Variants in PHACTR2 observed in about 807,000 individuals in gnomAD.
PHACTR2 encodes phosphatase and actin regulator 2.
Under a neutral mutation model 76.0 loss-of-function variants are expected in PHACTR2, and 30 were observed. The ratio of observed to expected loss-of-function variants is 0.39; its 90% CI spans 0.30 to 0.54. PHACTR2 has a LOEUF of 0.54. PHACTR2 is among the 20% of genes least tolerant of loss of function. PHACTR2 has a pLI of 0.61. For missense variants in PHACTR2, 696 were observed against 781.1 expected, an observed-to-expected ratio of 0.89 and a Z score of 1.30; for synonymous variants, 292 against 292.5, an observed-to-expected ratio of 1.00 and a Z score of 0.02.
rs975759738 is a variant in PHACTR2 at position 143,543,062 on chromosome 6, G to C, written c.217+5855G>C. Among the ~76,000 whole-genome samples the C allele has an allele frequency of 6.6e-6, 1 of 152,244 alleles. No individual in the cohort carries two copies. Among genetic ancestry groups the C allele is most frequent in the Admixed American group, 6.5e-5 (1 of 15,290 alleles). Reference sequence around the variant, plus strand: ...TCTGGAGTTAGACTGAAAGCAGAGAGGATACTCAGAAAGGGTGTGGCAGGC... The same window carrying C: ...TCTGGAGTTAGACTGAAAGCAGAGACGATACTCAGAAAGGGTGTGGCAGGC... On this transcript the variant is annotated intron_variant, in intron 1 of 11. Transcript: ENST00000367584. The surrounding 1 kb of genome is among the most constrained non-coding windows in gnomAD (Gnocchi z 4.7).
At position 143,547,994 on chromosome 6, in the gene PHACTR2, A is replaced by G. The variant is rs762539726; in HGVS notation, c.217+10787A>G. 1.3e-5 allele frequency among the ~76,000 whole-genome samples: 2 copies of G among 151,970 alleles called. No homozygotes were observed. The highest frequency in any genetic ancestry group is 2.9e-5 in the Non-Finnish European group (2 of 68,004). On this transcript the variant is annotated intron_variant, in intron 1 of 11. Coordinates refer to the PHACTR2 transcript ENST00000367584. The surrounding 1 kb of genome is among the most constrained non-coding windows in gnomAD (Gnocchi z 4.2). ...TCATCATCATGTGTATCATCTATCT[A>G]TCTTATTTTGGCCTACTATAACAAA...
intron 1 of PHACTR2, among the ~76,000 whole-genome samples, chr6:143,569,211 G>A (rs950667729): frequency 6.6e-6 from 1 of 152,184 alleles, no homozygotes; most frequent in Non-Finnish European, 1.5e-5. Context: ...TGTGTTACTT[G>A]TGGGCTGAGA....
At chr6:143,622,130 G>A (rs1047036157) in intron 1 of PHACTR2, among the ~76,000 whole-genome samples, 3 of 152,110 alleles carry the variant, frequency 2.0e-5, no homozygotes, top group Non-Finnish European at 2.9e-5. Flanking sequence ...GTTGCAGTTC[G>A]GTTGATTTCC....
At chr6:143,763,488 G>A (rs987281434) in intron 5 of PHACTR2, among the ~76,000 whole-genome samples, 76 of 152,356 alleles carry the variant, frequency 5.0e-4, no homozygotes, top group African/African-American at 1.7e-3. Context: ...TCTTTGTTGT[G>A]AAAAGTAAAT....
intron 1 of PHACTR2, among the ~76,000 whole-genome samples, chr6:143,703,334 A>G (rs1034186993): frequency 2.6e-5 from 4 of 152,072 alleles, no homozygotes; most frequent in Non-Finnish European, 2.9e-5. Context: ...TGTGAGTGCA[A>G]TATCATTTAC....
chr6:143,606,705 T>C (rs968470920), upstream of PHACTR2, among the ~76,000 whole-genome samples: 1 of 152,132 alleles, frequency 6.6e-6, no homozygotes, highest in African/African-American at 2.4e-5. Context: ...CTCTGGATAG[T>C]TGGCAGGTCT....
rs1163842473 is a variant in PHACTR2, at chr6:143,827,156, ATATATATATATATATAT to A, written c.*3468_*3484del. The A allele has an allele frequency of 0.018, 338 of 18,362 alleles. 10 individuals are homozygous for A. The highest frequency in any genetic ancestry group is 0.052 in the African/African-American group (307 of 5,936). The allele number at this position is 18,362 out of a possible 1,614,324, so 1.1% of individuals were successfully genotyped here. A position where few individuals can be genotyped will look rare whatever the true frequency, so the allele number is the denominator to read the frequency against. On this transcript the variant is annotated 3_prime_UTR_variant, in exon 13 of 13. Transcript: ENST00000440869. ...GGCTGCGTTGGCATTAAAAAAGAAA[ATATATATATATATATAT>A]ATATATATATATATATATATATATA...
At chr6:143,740,540 A>T (rs1489725760) in intron 2 of PHACTR2, among the ~76,000 whole-genome samples, 1 of 151,682 alleles carries the variant, frequency 6.6e-6, no homozygotes, top group Admixed American at 6.6e-5. Context: ...AATAAAATGA[A>T]TATTTGTTCA....
rs1781148975 is a variant in PHACTR2, at chr6:143,539,105, G to A, written c.217+1898G>A. Among the ~76,000 whole-genome samples the A allele has an allele frequency of 6.6e-6, 1 of 152,182 alleles. No individual in the cohort carries two copies. The highest frequency in any genetic ancestry group is 1.5e-5 in the Non-Finnish European group (1 of 68,042). On this transcript the variant is annotated intron_variant, in intron 1 of 11. Transcript: ENST00000367584. This position sits in a 1 kb window ranked among gnomAD's most constrained non-coding sequence, Gnocchi z 4.3. The stretch of plus-strand genomic sequence containing the variant: ...TTTTCATGGATGGAAATTATGGCCT[G>A]TATGCCGAAAAAGGACAGCAAAGAC...
chr6:143,647,612 T>C lies in PHACTR2; in HGVS notation c.13+39290T>C, dbSNP rs893683224. Among the ~76,000 whole-genome samples the C allele has an allele frequency of 6.6e-6, 1 of 152,164 alleles. No homozygotes were observed. Among genetic ancestry groups the C allele is most frequent in the Non-Finnish European group, 1.5e-5 (1 of 68,028 alleles). ...GAGAAAATAGAGAGACAGAGAATCATGGGGTTTTGACTTTACGCGGGAGTC... is the reference window on the plus strand; with the variant it reads ...GAGAAAATAGAGAGACAGAGAATCACGGGGTTTTGACTTTACGCGGGAGTC... On this transcript the variant is annotated intron_variant, in intron 1 of 11. Coordinates refer to the PHACTR2 transcript ENST00000305766. The surrounding 1 kb of genome is among the most constrained non-coding windows in gnomAD (Gnocchi z 4.2).
chr6:143,797,291 T>G (rs180813597), intron 11 of PHACTR2, among the ~76,000 whole-genome samples: 2 of 152,340 alleles, frequency 1.3e-5, no homozygotes, highest in Admixed American at 1.3e-4. Context: ...TTTAAGTTCT[T>G]TGTAGATTCT....
At chr6:143,771,950 T>C (rs529371557) in intron 6 of PHACTR2, among the ~76,000 whole-genome samples, 43 of 152,256 alleles carry the variant, frequency 2.8e-4, no homozygotes, top group African/African-American at 1.0e-3. Flanking sequence ...TGAAGGTCCA[T>C]GAAAGCTTCC....
At chr6:143,565,909 C>G (rs1412908948) in intron 1 of PHACTR2, among the ~76,000 whole-genome samples, 2 of 152,024 alleles carry the variant, frequency 1.3e-5, no homozygotes, top group African/African-American at 4.8e-5. Context: ...AACTGACCTA[C>G]AGATAATTTT....
intron 1 of PHACTR2, among the ~76,000 whole-genome samples, chr6:143,631,810 T>C (rs1279662240): frequency 2.0e-5 from 3 of 152,078 alleles, no homozygotes; most frequent in Non-Finnish European, 4.4e-5. Flanking sequence ...GAAAACATCA[T>C]TAAGAGACAA....
Position 143,608,372 on chromosome 6 carries a change from C to G in PHACTR2, c.13+50C>G. 1 of 1,597,606 alleles carries G rather than the reference C, an allele frequency of 6.3e-7. No individual in the cohort carries two copies. The highest frequency in any genetic ancestry group is 8.6e-7 in the Non-Finnish European group (1 of 1,165,270). On this transcript the variant is annotated intron_variant, in intron 1 of 11. Transcript: ENST00000305766. The surrounding 1 kb of genome is among the most constrained non-coding windows in gnomAD (Gnocchi z 4.6). ...TCATAGCTGCTGGCTTCCTTTGCAGCCCGCATCCTTTACTGCGGAAGGTTT... is the reference window on the plus strand; with the variant it reads ...TCATAGCTGCTGGCTTCCTTTGCAGGCCGCATCCTTTACTGCGGAAGGTTT...
rs1350270803 is a variant in PHACTR2 at position 143,775,585 on chromosome 6, G to A, written c.1589+1370G>A. 6.6e-6 allele frequency among the ~76,000 whole-genome samples: 1 copy of A among 152,096 alleles called. No individual in the cohort carries two copies. The highest frequency in any genetic ancestry group is 1.5e-5 in the Non-Finnish European group (1 of 68,014). ...ACCAGAATTAGAATTTCGCTCCTGG[G>A]CTCTCTGCCCAATTTTCTTTTGTAT... On this transcript the variant is annotated intron_variant, in intron 8 of 12. Transcript: ENST00000440869. This position sits in a 1 kb window ranked among gnomAD's most constrained non-coding sequence, Gnocchi z 4.4.
At chr6:143,799,648 G>C (rs1016515675) in intron 11 of PHACTR2, among the ~76,000 whole-genome samples, 2 of 152,196 alleles carry the variant, frequency 1.3e-5, no homozygotes, top group Non-Finnish European at 2.9e-5. Flanking sequence ...TATTTATCAA[G>C]TAGTCATTCA....
rs991980734 is a variant in PHACTR2, at chr6:143,596,752, C to T, written c.217+59545C>T. 5.9e-5 allele frequency among the ~76,000 whole-genome samples: 9 copies of T among 152,028 alleles called. No homozygotes were observed. The highest frequency in any genetic ancestry group is 1.9e-4 in the East Asian group (1 of 5,198). On this transcript the variant is annotated intron_variant, in intron 1 of 11. Coordinates refer to the PHACTR2 transcript ENST00000367584. The surrounding 1 kb of genome is among the most constrained non-coding windows in gnomAD (Gnocchi z 4.6). ...ACTTGGGAGGCTAAGGCAGGAGGATCGCTTAAGCCCAGGAGTTTGAGGTTG... is the reference window on the plus strand; with the variant it reads ...ACTTGGGAGGCTAAGGCAGGAGGATTGCTTAAGCCCAGGAGTTTGAGGTTG...
rs1387112812 is a variant in PHACTR2 at position 143,730,946 on chromosome 6, C to T, written c.215-18039C>T. Reference sequence around the variant, plus strand: ...TATTTTTAGTAGAGACGGGGTTTCACTATGTTGGCCCCAGGCTGGTCTGGA... The same window carrying T: ...TATTTTTAGTAGAGACGGGGTTTCATTATGTTGGCCCCAGGCTGGTCTGGA... On this transcript the variant is annotated intron_variant, in intron 2 of 12. Transcript: ENST00000440869. The surrounding 1 kb of genome is among the most constrained non-coding windows in gnomAD (Gnocchi z 4.8). Among the ~76,000 whole-genome samples the T allele has an allele frequency of 6.6e-6, 1 of 152,106 alleles. No homozygotes were observed. The highest frequency in any genetic ancestry group is 6.6e-5 in the Admixed American group (1 of 15,264).
Sources: gnomAD v4.1 joint callset for allele counts (sites outside exome capture counted in the v4.1 genomes callset) on GRCh38, gnomAD v4.1.1 for gene constraint, Gnocchi (gnomAD v3.1) non-coding constraint, MANE v1.5 for transcripts, NCBI Gene and HGNC (gene_info 2026-07-23, HGNC 2026-07-21) for gene names.